Variants in PYY observed in about 807,000 individuals in gnomAD.
PYY encodes peptide tyrosine tyrosine.
PYY carries 12 observed loss-of-function variants against 10.3 expected under a neutral mutation model. The ratio of observed to expected loss-of-function variants is 1.17; its 90% CI spans 0.75 to 1.89. PYY has a LOEUF of 1.89. Ranked by LOEUF, PYY falls within the 40% of genes most tolerant of loss-of-function variation. PYY has a pLI of 0.00. For missense variants in PYY, 141 were observed against 134.0 expected (o/e 1.05, Z -0.26); for synonymous variants, 66 against 62.0 (o/e 1.06, Z -0.30).
intron 1 of PYY, among the ~76,000 whole-genome samples, chr17:43,973,217 G>T (rs1191406421): frequency 6.6e-6 from 1 of 152,158 alleles, no homozygotes; most frequent in Non-Finnish European, 1.5e-5. Context: ...AAAAGTGTTT[G>T]TCACTTAAAG....
chr17:43,971,276 C>T (rs1156729146), intron 1 of PYY, among the ~76,000 whole-genome samples: 2 of 151,994 alleles, frequency 1.3e-5, no homozygotes, highest in African/African-American at 4.8e-5. Context: ...ATGGTTTTAA[C>T]TTGCATTTTC....
intron 1 of PYY, among the ~76,000 whole-genome samples, chr17:43,991,604 T>C (rs1467819598): frequency 6.6e-6 from 1 of 152,178 alleles, no homozygotes; most frequent in East Asian, 1.9e-4. Flanking sequence ...TACGTCTTCC[T>C]GAACCAGTAA....
At chr17:43,981,709 C>T (rs1433204343) in intron 1 of PYY, among the ~76,000 whole-genome samples, 1 of 152,012 alleles carries the variant, frequency 6.6e-6, no homozygotes, top group African/African-American at 2.4e-5. Context: ...AGGTTGGTCT[C>T]GAACTCCTGA....
At chr17:44,003,378 C>T (rs577051410) in intron 1 of PYY, among the ~76,000 whole-genome samples, 2 of 151,732 alleles carry the variant, frequency 1.3e-5, no homozygotes, top group East Asian at 2.0e-4. Flanking sequence ...TAAAGAGGGC[C>T]GGGCGTGGTG....
chr17:43,993,059 A>C (rs927669527), intron 1 of PYY, among the ~76,000 whole-genome samples: 1 of 152,220 alleles, frequency 6.6e-6, no homozygotes, highest in African/African-American at 2.4e-5. Context: ...CACACCTGTA[A>C]TCCCAGCACT....
At chr17:43,983,248 A>G (rs935407684) in intron 1 of PYY, among the ~76,000 whole-genome samples, 39 of 152,136 alleles carry the variant, frequency 2.6e-4, no homozygotes, top group African/African-American at 8.9e-4. Context: ...CAAACAAAAA[A>G]CAACAACAAC....
chr17:43,982,972 T>A (rs1483386778), intron 1 of PYY, among the ~76,000 whole-genome samples: 3 of 152,116 alleles, frequency 2.0e-5, no homozygotes, highest in Non-Finnish European at 2.9e-5. Context: ...TGGTTCATGC[T>A]TGTAATCCCA....
At chr17:43,957,344 C>A (rs533799811), upstream of PYY, among the ~76,000 whole-genome samples, 8 of 151,948 alleles carry the variant, frequency 5.3e-5, no homozygotes, top group South Asian at 8.3e-4. Flanking sequence ...ATTCTAGTGA[C>A]AGGAAATAGA....
chr17:43,958,655 C>T (rs1368150519), upstream of PYY, among the ~76,000 whole-genome samples: 4 of 152,170 alleles, frequency 2.6e-5, no homozygotes, highest in Admixed American at 6.5e-5. Flanking sequence ...GCTGGGATTA[C>T]GAGTGTGAGC....
chr17:43,975,815 C>T (rs58339244), intron 1 of PYY, among the ~76,000 whole-genome samples: 515 of 6,032 alleles, frequency 0.085, 115 homozygotes, highest in African/African-American at 0.24. Context: ...CGTACGTGTA[C>T]ATACACGTGT....
chr17:44,000,466 G>T (rs1233174488), intron 1 of PYY, among the ~76,000 whole-genome samples: 1 of 152,054 alleles, frequency 6.6e-6, no homozygotes, highest in Non-Finnish European at 1.5e-5. Flanking sequence ...AATGGCCACA[G>T]CTGGGTGTGT....
chr17:43,992,378 C>T (rs1424499300), intron 1 of PYY, among the ~76,000 whole-genome samples: 4 of 151,644 alleles, frequency 2.6e-5, no homozygotes, highest in Non-Finnish European at 2.9e-5. Flanking sequence ...GTCAGGAGCT[C>T]GAGACCAGCT....
intron 1 of PYY, among the ~76,000 whole-genome samples, chr17:43,992,831 T>C (rs562247435): frequency 2.6e-4 from 40 of 151,962 alleles, no homozygotes; most frequent in Non-Finnish European, 4.4e-4. Context: ...CAGAAGCAGA[T>C]TGGAGTGATG....
At chr17:43,973,456 C>T (rs559874769) in intron 1 of PYY, among the ~76,000 whole-genome samples, 4 of 152,302 alleles carry the variant, frequency 2.6e-5, no homozygotes, top group South Asian at 4.1e-4. Context: ...ATTCATCCAG[C>T]GCTGTTTTGG....
chr17:43,971,585 A>T (rs1476473252), intron 1 of PYY, among the ~76,000 whole-genome samples: 2 of 151,398 alleles, frequency 1.3e-5, no homozygotes, highest in Non-Finnish European at 2.9e-5. Context: ...AAAAAAAAAA[A>T]ATTGCATCTT....
At chr17:43,953,995 C>T, upstream of PYY, 1 of 154,056 alleles carries the variant, frequency 6.5e-6, no homozygotes, top group East Asian at 1.9e-4. Flanking sequence ...GAGGGGGAGT[C>T]CCAGGGGGAG....
At position 43,953,186 on chromosome 17, in the gene PYY, A is replaced by T; in HGVS notation, c.192T>A (p.Tyr64Ter). Residue 64 changes from tyrosine (Y) to a stop codon, truncating the protein, a stop_gained, in exon 3 of 4, where the codon TAT becomes TAA. Coordinates refer to ENST00000692052, the MANE Select transcript of PYY (RefSeq NM_001394028.1). LOFTEE classifies it high-confidence loss of function. ...GCGTGTCCGGGCCGTCTCTTTTCCC[A>T]TACCTGGGGGCGGGGAAGGGAAGAG... is the stretch of plus-strand genomic sequence containing the variant. The part of the protein sequence containing the change: ...HYLNLVTRQR[Y>*]GKRDGPDTLL... 1 of 1,613,506 alleles carries T rather than the reference A, an allele frequency of 6.2e-7. No individual in the cohort carries two copies. The highest frequency in any genetic ancestry group is 8.5e-7 in the Non-Finnish European group (1 of 1,179,612).
chr17:43,961,994 C>A (rs1209859298), intron 2 of PYY, among the ~76,000 whole-genome samples: 1 of 152,156 alleles, frequency 6.6e-6, no homozygotes, highest in Non-Finnish European at 1.5e-5. Flanking sequence ...CCTCACGCAT[C>A]TTTTCCTTTC....
upstream of PYY, among the ~76,000 whole-genome samples, chr17:43,958,723 A>G (rs1009497768): frequency 6.6e-6 from 1 of 152,198 alleles, no homozygotes; most frequent in African/African-American, 2.4e-5. Context: ...AAACAGGCCC[A>G]CAGGGCCGTA....
Sources: gnomAD v4.1 joint callset for allele counts (sites outside exome capture counted in the v4.1 genomes callset) on GRCh38, gnomAD v4.1.1 for gene constraint, MANE v1.5 for transcripts, NCBI Gene and HGNC (gene_info 2026-07-23, HGNC 2026-07-21) for gene names.